Variants in IGSF5 observed in about 807,000 individuals in gnomAD.
The protein encoded by IGSF5 is immunoglobulin superfamily 5 like.
Under a neutral mutation model 39.4 loss-of-function variants are expected in IGSF5, and 41 were observed. That is an observed-to-expected ratio of 1.04 (90% CI 0.81 to 1.35). The LOEUF (loss-of-function observed/expected upper bound fraction) is 1.35, where lower values mean the gene tolerates loss of function less well. IGSF5 is among the 40% of genes most tolerant of loss of function. The probability of loss-of-function intolerance (pLI) is 0.00; values close to 1 mark genes in which losing one functional copy is unlikely to be tolerated. For synonymous variants in IGSF5, 183 were observed against 175.3 expected, an observed-to-expected ratio of 1.04 and a Z score of -0.34; for missense variants, 487 against 494.6, an observed-to-expected ratio of 0.98 and a Z score of 0.15.
At chr21:39,714,842 G>A in the IGSF5 span, among the ~76,000 whole-genome samples, 1 of 152,128 alleles carries the variant, frequency 6.6e-6, no homozygotes, top group African/African-American at 2.4e-5. Flanking sequence ...CTGAGGTACT[G>A]AACATCAGGA....
upstream of IGSF5, among the ~76,000 whole-genome samples, chr21:39,743,940 C>A (rs528640006): frequency 1.3e-5 from 2 of 152,130 alleles, no homozygotes; most frequent in Non-Finnish European, 2.9e-5. Flanking sequence ...CAGAATACAT[C>A]TTAGGGGCAA....
intron 5 of IGSF5, among the ~76,000 whole-genome samples, chr21:39,784,589 A>G (rs464623): frequency 0.79 from 119,421 of 150,636 alleles, 47,520 homozygotes; most frequent in Admixed American, 0.84. Context: ...AAAAGCCTTT[A>G]TAAGAGTGAA....
the IGSF5 span, among the ~76,000 whole-genome samples, chr21:39,716,666 A>G: frequency 6.6e-6 from 1 of 152,246 alleles, no homozygotes; most frequent in Non-Finnish European, 1.5e-5. Context: ...TGTTCCAGCG[A>G]AACACATGAT....
chr21:39,728,743 A>T, the IGSF5 span, among the ~76,000 whole-genome samples: 1 of 152,138 alleles, frequency 6.6e-6, no homozygotes, highest in Non-Finnish European at 1.5e-5. Flanking sequence ...TCTAAATGAG[A>T]CTTTAGTTTT....
chr21:39,748,806 A>G (rs1419727191), intron 2 of IGSF5, among the ~76,000 whole-genome samples: 1 of 89,614 alleles, frequency 1.1e-5, no homozygotes, highest in Non-Finnish European at 2.3e-5. Context: ...GTTGTGGTCA[A>G]CTGAAGTTCC....
intron 4 of IGSF5, among the ~76,000 whole-genome samples, chr21:39,771,517 T>C (rs1249757050): frequency 6.6e-6 from 1 of 152,194 alleles, no homozygotes; most frequent in Non-Finnish European, 1.5e-5. Flanking sequence ...TAAACATTTG[T>C]GTTTCTAGCT....
chr21:39,775,217 A>T (rs2080133784), intron 4 of IGSF5, among the ~76,000 whole-genome samples: 1 of 152,148 alleles, frequency 6.6e-6, no homozygotes, highest in Non-Finnish European at 1.5e-5. Context: ...TGGACATTAG[A>T]CAGCCTGGGT....
chr21:39,787,569 T>TTG (rs2086930482), intron 5 of IGSF5, among the ~76,000 whole-genome samples: 1 of 151,234 alleles, frequency 6.6e-6, no homozygotes, highest in Non-Finnish European at 1.5e-5. Context: ...TTTTTTTTTT[T>TTG]TTGGTGGGGT....
At chr21:39,750,503 G>A (rs2079999677) in intron 2 of IGSF5, among the ~76,000 whole-genome samples, 1 of 71,714 alleles carries the variant, frequency 1.4e-5, no homozygotes, top group Admixed American at 2.1e-4. Context: ...GCAAGACACT[G>A]TCTCCAGAAA....
At chr21:39,738,298 A>T in the IGSF5 span, among the ~76,000 whole-genome samples, 3 of 152,168 alleles carry the variant, frequency 2.0e-5, no homozygotes, top group Non-Finnish European at 4.4e-5. This position sits in a 1 kb window ranked among gnomAD's most constrained non-coding sequence, Gnocchi z 6.4. Flanking sequence ...TTTTAAAACC[A>T]TCAGATCTTG....
At chr21:39,785,575 T>A (rs919567285) in intron 5 of IGSF5, among the ~76,000 whole-genome samples, 2 of 152,148 alleles carry the variant, frequency 1.3e-5, no homozygotes, top group African/African-American at 4.8e-5. Flanking sequence ...TTAAAGTAGT[T>A]TTTTCCAATT....
chr21:39,721,410 C>T, the IGSF5 span, among the ~76,000 whole-genome samples: 1 of 152,126 alleles, frequency 6.6e-6, no homozygotes, highest in Non-Finnish European at 1.5e-5. Flanking sequence ...AACAGAAAAC[C>T]AAGAAGGGGT....
At chr21:39,798,768 C>A (rs891557397) in intron 8 of IGSF5, among the ~76,000 whole-genome samples, 3 of 152,234 alleles carry the variant, frequency 2.0e-5, no homozygotes, top group Admixed American at 2.0e-4. Flanking sequence ...GCCCCTTTGG[C>A]ATCCTTTCAG....
At chr21:39,734,578 G>A in the IGSF5 span, among the ~76,000 whole-genome samples, 1 of 151,754 alleles carries the variant, frequency 6.6e-6, no homozygotes, top group Non-Finnish European at 1.5e-5. Context: ...GATAACCACT[G>A]ATTTTTTTAA....
the IGSF5 span, among the ~76,000 whole-genome samples, chr21:39,725,323 T>C: frequency 6.6e-6 from 1 of 152,264 alleles, no homozygotes; most frequent in East Asian, 1.9e-4. Flanking sequence ...TCATAAACAC[T>C]ACTTATTGTT....
chr21:39,772,663 C>T (rs558904160), intron 4 of IGSF5, among the ~76,000 whole-genome samples: 2 of 152,078 alleles, frequency 1.3e-5, no homozygotes, highest in Non-Finnish European at 2.9e-5. Context: ...CACTTTTGAA[C>T]GGTACAGGTT....
chr21:39,753,645 A>G (rs1280907339), intron 2 of IGSF5, among the ~76,000 whole-genome samples: 1 of 152,134 alleles, frequency 6.6e-6, no homozygotes, highest in Non-Finnish European at 1.5e-5. Flanking sequence ...TGTTTTTAAA[A>G]TCTGGGTGCT....
intron 6 of IGSF5, chr21:39,791,738 T>C (rs1040449857): frequency 2.9e-5 from 10 of 339,914 alleles, no homozygotes; most frequent in Middle Eastern, 8.0e-4. Context: ...TTTTATTTGG[T>C]GAATGGTTTC....
the IGSF5 span, among the ~76,000 whole-genome samples, chr21:39,715,892 TG>T: frequency 3.3e-5 from 5 of 150,490 alleles, no homozygotes; most frequent in Non-Finnish European, 7.4e-5. Flanking sequence ...TGGGTGTGTG[TG>T]GGGGGGTGGC....
Sources: allele counts gnomAD v4.1 joint callset (sites outside exome capture counted in the v4.1 genomes callset), GRCh38; gene constraint gnomAD v4.1.1; non-coding constraint Gnocchi (gnomAD v3.1); transcripts MANE v1.5; gene names NCBI Gene and HGNC (gene_info 2026-07-23, HGNC 2026-07-21).